TTN: variants seen among roughly 807,000 people sequenced by gnomAD.
The protein encoded by TTN is titin.
A neutral mutation model predicts 3,223.0 loss-of-function variants in TTN; 1,525 were observed. That is an observed-to-expected ratio of 0.47 (90% CI 0.45 to 0.49). The LOEUF is 0.49. Ranked by LOEUF, TTN falls within the 20% of genes least tolerant of loss-of-function variation. The pLI is 0.00. For synonymous variants in TTN, 14,094 were observed against 15,161.0 expected (o/e 0.93, Z 5.17); for missense variants, 40,786 against 43,424.0 (o/e 0.94, Z 5.40).
intron 220 of TTN, among the ~76,000 whole-genome samples, chr2:178,640,886 C>T (rs978765133): frequency 6.6e-6 from 1 of 151,808 alleles, no homozygotes; most frequent in African/African-American, 2.4e-5. Context: ...ATAATTTTGC[C>T]CTTTGAGAAT....
Position 178,574,906 on chromosome 2 carries a change from A to G in TTN, c.71226T>C (p.Asp23742=). 2 of 1,612,924 alleles carry G rather than the reference A, an allele frequency of 1.2e-6. No homozygotes were observed. Among genetic ancestry groups the G allele is most frequent in the South Asian group, 1.1e-5 (1 of 91,028 alleles). ...GTGGGTCCCAAGAGAAGGTTACAAA[A>G]TCAGATGAAACTTCATCAAATTTGA... ...GPIKFDEVSS[D]FVTFSWDPPE... Residue 23742 remains aspartate (D), a synonymous_variant, in exon 326 of 363, where the codon GAT becomes GAC. Coordinates refer to ENST00000589042, the MANE Select transcript of TTN (RefSeq NM_001267550.2).
chr2:178,780,229 A>C, intron 21 of TTN, 24 bp from the exon 22 acceptor site: 1 of 1,577,822 alleles, frequency 6.3e-7, no homozygotes, highest in Non-Finnish European at 8.7e-7. Flanking sequence ...ACATCAGTTA[A>C]TTTTTAATGC....
At position 178,619,468 on chromosome 2, in the gene TTN, AC is replaced by A. The variant is rs1448624246; in HGVS notation, c.46696+152del. The stretch of plus-strand genomic sequence containing the variant: ...TAATTTCCTCTTACTCAAGACACTT[AC>A]TTTGTAGTGAGCAAAATTAGAGTTG... On this transcript the variant is annotated intron_variant, in intron 250 of 362. Coordinates refer to ENST00000589042, the MANE Select transcript of TTN (RefSeq NM_001267550.2). 9 of 873,656 alleles carry A rather than the reference AC, an allele frequency of 1.0e-5. No homozygotes were observed. The Admixed American group carries it at 2.3e-4, about 22-fold the overall frequency. 54.1% of individuals were successfully genotyped at this position (873,656 alleles called of 1,614,324 possible).
chr2:178,720,064 C>T lies in TTN; in HGVS notation c.23578G>A (p.Ala7860Thr), dbSNP rs138076523. 117 of 1,613,630 alleles carry T rather than the reference C, an allele frequency of 7.3e-5. No individual in the cohort carries two copies. The East Asian group carries it at 2.5e-3, about 34-fold the overall frequency. Residue 7860 changes from alanine to threonine, a missense_variant, in exon 81 of 363, where the codon GCA (alanine) becomes ACA (threonine). By Grantham distance (58) the Ala-to-Thr change is moderately conservative. Transcript: ENST00000589042. ...CATATATATTTTCCAGAATTAGATGCTTCTGGACTCCCCAGCTGGAGGGTT... is the reference window on the plus strand; with the variant it reads ...CATATATATTTTCCAGAATTAGATGTTTCTGGACTCCCCAGCTGGAGGGTT... The part of the protein sequence containing the change: ...IATLQLGSPE[A>T]SNSGKYICQI...
In TTN at chr2:178,624,314, A is replaced by T. The variant is rs888212755; in HGVS notation, c.44815+151T>A. On this transcript the variant is annotated intron_variant, in intron 242 of 362. Transcript: ENST00000589042. Reference sequence around the variant, plus strand: ...TTCTTTTCTTTTTTTCTTTAAACACATAAAGGATCAGGTTAGGTCAGTGTC... The same window carrying T: ...TTCTTTTCTTTTTTTCTTTAAACACTTAAAGGATCAGGTTAGGTCAGTGTC... 6 of 901,844 alleles carry T rather than the reference A, an allele frequency of 6.7e-6. No individual in the cohort carries two copies. The East Asian group carries it at 1.5e-4, about 22-fold the overall frequency. 55.9% of individuals were successfully genotyped at this position (901,844 alleles called of 1,614,324 possible). A position where few individuals can be genotyped will look rare whatever the true frequency, so the allele number is the denominator to read the frequency against.
rs780104703 is a variant in TTN, at chr2:178,741,152, AAGCAGC to A, written c.12075_12080del (p.Glu4025_Leu4027delinsAsp). 1 of 1,613,638 alleles carries A rather than the reference AAGCAGC, an allele frequency of 6.2e-7. No homozygotes were observed. Among genetic ancestry groups the A allele is most frequent in the Non-Finnish European group, 8.5e-7 (1 of 1,179,824 alleles). On this transcript the variant is annotated inframe_deletion, in exon 48 of 363. Transcript: ENST00000589042. ...TCATGTCTGTGTCTTCCAGAAGCAC[AAGCAGC>A]TCTGCTGCACAGGTGGACTCACCCA... is the stretch of plus-strand genomic sequence containing the variant.
At position 178,730,090 on chromosome 2, in the gene TTN, G is replaced by C; in HGVS notation, c.18307+3C>G. The C allele has an allele frequency of 1.4e-6, 2 of 1,399,768 alleles. No individual in the cohort carries two copies. The highest frequency in any genetic ancestry group is 1.9e-6 in the Non-Finnish European group (2 of 1,045,512). The allele number at this position is 1,399,768 out of a possible 1,614,324, so 86.7% of individuals were successfully genotyped here. A position where few individuals can be genotyped will look rare whatever the true frequency, so the allele number is the denominator to read the frequency against. Reference sequence around the variant, plus strand: ...AGAAAGTGAGGAGATGTAGAGACCAGACCTTTTACAAAGAGAGTGGCTTTG... The same window carrying C: ...AGAAAGTGAGGAGATGTAGAGACCACACCTTTTACAAAGAGAGTGGCTTTG... On this transcript the variant is annotated splice_donor_region_variant and intron_variant, in intron 62 of 362. Transcript: ENST00000589042.
intron 131 of TTN, 21 bp downstream of exon 131, chr2:178,684,645 C>A: frequency 1.3e-6 from 2 of 1,598,512 alleles, no homozygotes; most frequent in South Asian, 2.3e-5. Context: ...CCTAGTTTTT[C>A]TGCTGGGGAG....
At position 178,602,555 on chromosome 2, in the gene TTN, C is replaced by T; in HGVS notation, c.54847G>A (p.Asp18283Asn). ...AGTGAGATGCTTGACTTCGTTTTAT[C>T]TTTAACTTCTGGGCAAGAAGGTGGC... ...PGPPSCPEVK[D>N]KTKSSISLGW... is the part of the protein sequence containing the mutation. Residue 18283 changes from aspartate (D) to asparagine (N), a missense_variant, in exon 283 of 363, where the codon GAT becomes AAT. Physicochemically the swap from Asp to Asn is conservative, Grantham distance 23. Transcript: ENST00000589042. The T allele has an allele frequency of 6.4e-7, 1 of 1,572,558 alleles. No individual in the cohort carries two copies.
Position 178,527,159 on chromosome 2 carries a change from C to T in TTN, c.107829G>A (p.Gly35943=). The change falls in exon 363 of 363, where the codon GGG becomes GGA. Residue 35943 remains glycine, a synonymous_variant. Coordinates refer to ENST00000589042, the MANE Select transcript of TTN (RefSeq NM_001267550.2). ...CATCTGTGTTTTCAATGTGGAACCT[C>T]CCCTGTTCTTGACTGTGGATTTTTC... ...GGRKIHSQEQ[G]RFHIENTDDL... 1 of 1,613,946 alleles carries T rather than the reference C, an allele frequency of 6.2e-7. No individual in the cohort carries two copies. The highest frequency in any genetic ancestry group is 2.2e-5 in the East Asian group (1 of 44,870).
At position 178,535,387 on chromosome 2, in the gene TTN, C is replaced by A; in HGVS notation, c.101228G>T (p.Arg33743Leu). The change falls in exon 358 of 363, where the codon CGA becomes CTA. Residue 33743 changes from arginine (R) to leucine (L), a missense_variant. Arg to Leu is a moderately radical substitution (Grantham distance 102). Coordinates refer to ENST00000589042, the MANE Select transcript of TTN (RefSeq NM_001267550.2). ...AERWLRVGQA[R>L]ETRYTVINLF... ...GTTGATCACGGTATAACGTGTTTCT[C>A]GGGCCTGTCCTACACGGAGCCATCT... is the stretch of plus-strand genomic sequence containing the variant. The A allele has an allele frequency of 6.2e-7, 1 of 1,613,884 alleles. No homozygotes were observed. Among genetic ancestry groups the A allele is most frequent in the Non-Finnish European group, 8.5e-7 (1 of 1,179,842 alleles).
rs773138346 is a variant in TTN at position 178,567,558 on chromosome 2, T to C, written c.78574A>G (p.Arg26192Gly). Reference sequence around the variant, plus strand: ...CTGAATTTTGGATCCATTGAAATTCTTGGGAGTTCAACCTCATCCTTGGCA... The same window carrying C: ...CTGAATTTTGGATCCATTGAAATTCCTGGGAGTTCAACCTCATCCTTGGCA... ...ITAKDEVELP[R>G]ISMDPKFRDT... Residue 26192 changes from arginine to glycine, a missense_variant, in exon 326 of 363, where the codon AGA becomes GGA. Arg to Gly is a moderately radical substitution (Grantham distance 125). Transcript: ENST00000589042. The C allele has an allele frequency of 2.5e-6, 4 of 1,609,768 alleles. No individual in the cohort carries two copies. In the East Asian group the frequency reaches 8.9e-5, roughly 36 times the overall value.
At chr2:178,733,553 T>C (rs372030113) in intron 53 of TTN, 36 bp from the exon 54 acceptor site, 6 of 1,597,684 alleles carry the variant, frequency 3.8e-6, no homozygotes, top group East Asian at 4.5e-5. Flanking sequence ...CCCTAAATGC[T>C]TGTTAGGGTT....
intron 217 of TTN, 34 bp from the exon 218 acceptor site, chr2:178,644,650 T>G: frequency 2.7e-6 from 4 of 1,468,858 alleles, no homozygotes; most frequent in Non-Finnish European, 9.1e-7. Flanking sequence ...TTGTTATTTG[T>G]ATATTTAATC....
In TTN at chr2:178,649,310, A is replaced by C. The variant is rs1424568997; in HGVS notation, c.39995T>G (p.Leu13332Arg). 6.8e-7 allele frequency: 1 copy of C among 1,470,170 alleles called. No individual in the cohort carries two copies. Among genetic ancestry groups the C allele is most frequent in the African/African-American group, 1.5e-5 (1 of 68,468 alleles). The allele number at this position is 1,470,170 out of a possible 1,614,324, so 91.1% of individuals were successfully genotyped here. A position where few individuals can be genotyped will look rare whatever the true frequency, so the allele number is the denominator to read the frequency against. Residue 13332 changes from leucine to arginine, a missense_variant, in exon 213 of 363, where the codon CTT (leucine) becomes CGT (arginine). Physicochemically the swap from Leu to Arg is moderately radical, Grantham distance 102. Transcript: ENST00000589042. ...CACAGGTTCTTTCTTTACTGGAACA[A>C]GTTTCTTGGGCACCTCAGGCACTTT... ...AAKVPEVPKK[L>R]VPVKKEPVPV... is the part of the protein sequence containing the mutation.
chr2:178,799,942 G>A (rs2093976220), intron 4 of TTN, 32 bp from the exon 5 acceptor site: 1 of 1,604,238 alleles, frequency 6.2e-7, no homozygotes, highest in Middle Eastern at 1.7e-4. Context: ...TGTTTGGGAG[G>A]GGGCACAATG....
At chr2:178,692,186 C>T (rs2154280180) in intron 120 of TTN, 87 bp from the exon 121 acceptor site, 2 of 1,266,150 alleles carry the variant, frequency 1.6e-6, no homozygotes, top group Admixed American at 2.0e-5. Context: ...TAAATCTTCA[C>T]TAACAGTGTG....
In TTN at chr2:178,572,509, G is replaced by C; in HGVS notation, c.73623C>G (p.Asp24541Glu). ...VTKTSVTLTW[D>E]PPLLDGGSKI... ...TTGAACCTCCATCAAGGAGAGGTGG[G>C]TCCCATGTGAGTGTGACAGATGTCT... Residue 24541 changes from aspartate (D) to glutamate (E), a missense_variant, in exon 326 of 363, where the codon GAC becomes GAG. By Grantham distance (45) the Asp-to-Glu change is conservative (BLOSUM62 2). Coordinates refer to ENST00000589042, the MANE Select transcript of TTN (RefSeq NM_001267550.2). The C allele has an allele frequency of 6.2e-7, 1 of 1,613,386 alleles. No homozygotes were observed. Among genetic ancestry groups the C allele is most frequent in the Non-Finnish European group, 8.5e-7 (1 of 1,179,596 alleles).
rs1359908699 is a variant in TTN at position 178,710,907 on chromosome 2, G to A, written c.28190C>T (p.Pro9397Leu). The A allele has an allele frequency of 6.2e-7, 1 of 1,612,984 alleles. No homozygotes were observed. The highest frequency in any genetic ancestry group is 8.5e-7 in the Non-Finnish European group (1 of 1,179,220). Reference protein sequence around the residue: ...RLILTEGKNPPFFDIRLAPVD... With the variant: ...RLILTEGKNPLFFDIRLAPVD... ...AGGGGCAAGACGGATGTCAAAGAAG[G>A]GTGGGTTCTTCCCCTCTAATAGTAG... Residue 9397 changes from proline (P) to leucine (L), a missense_variant, in exon 98 of 363, where the codon CCC becomes CTC. Physicochemically the swap from Pro to Leu is moderately conservative, Grantham distance 98 (BLOSUM62 -3). Transcript: ENST00000589042.
Sources: allele counts gnomAD v4.1 joint callset (sites outside exome capture counted in the v4.1 genomes callset), GRCh38; gene constraint gnomAD v4.1.1; transcripts MANE v1.5; gene names NCBI Gene and HGNC (gene_info 2026-07-23, HGNC 2026-07-21).